The following RPA1 variants were observed in gnomAD, a reference collection of about 807,000 sequenced individuals.
RPA1 encodes replication protein A1.
In RPA1, 49 loss-of-function variants were observed where a neutral mutation model predicts 83.0. That is an observed-to-expected ratio of 0.59 (90% CI 0.47 to 0.75). The LOEUF is 0.75. Ranked by LOEUF, RPA1 falls within the 30% of genes least tolerant of loss-of-function variation. The pLI is 0.00. For synonymous variants in RPA1, 279 were observed against 281.8 expected (o/e 0.99, Z 0.10); for missense variants, 693 against 776.1 (o/e 0.89, Z 1.27).
In RPA1 at chr17:1,844,610, G is replaced by A. The variant is rs1475154953; in HGVS notation, c.196G>A (p.Val66Met). 6.2e-6 allele frequency: 10 copies of A among 1,613,580 alleles called. No individual in the cohort carries two copies. Among genetic ancestry groups the A allele is most frequent in the East Asian group, 2.2e-5 (1 of 44,880 alleles). Residue 66 changes from valine (V) to methionine (M), a missense_variant, in exon 4 of 17, where the codon GTG becomes ATG. Coordinates refer to ENST00000254719, the MANE Select transcript of RPA1 (RefSeq NM_002945.5). ...FMLATQLNPL[V>M]EEEQLSSNCV... ...GTTGGCGACACAGTTGAACCCTCTCGTGGAGGAAGAACAATTGTCCAGCAA... is the reference window on the plus strand; with the variant it reads ...GTTGGCGACACAGTTGAACCCTCTCATGGAGGAAGAACAATTGTCCAGCAA...
intron 5 of RPA1, 148 bp downstream of exon 5, chr17:1,853,337 T>C (rs1912570604): frequency 3.1e-6 from 2 of 638,384 alleles, no homozygotes; most frequent in Non-Finnish European, 5.5e-6. Flanking sequence ...CTGTCAGGCT[T>C]TTTCAGTTCT....
chr17:1,882,783 C>A (rs191012724), intron 12 of RPA1, among the ~76,000 whole-genome samples: 3 of 152,190 alleles, frequency 2.0e-5, no homozygotes, highest in African/African-American at 7.2e-5. Flanking sequence ...CGGTGATGAT[C>A]ACCACGCAGC....
At chr17:1,896,991 T>C (rs763570985) in intron 16 of RPA1, 80 bp from the exon 17 acceptor site, 5 of 1,233,874 alleles carry the variant, frequency 4.1e-6, no homozygotes, top group Non-Finnish European at 5.8e-6. Flanking sequence ...CTGGGCTCAC[T>C]GAAACCACTG....
At chr17:1,842,316 G>C (rs373530280) in intron 1 of RPA1, among the ~76,000 whole-genome samples, 9 of 152,262 alleles carry the variant, frequency 5.9e-5, no homozygotes, top group South Asian at 4.1e-4. Context: ...TCTGGACCTA[G>C]AGGGTTCTCT....
intron 1 of RPA1, among the ~76,000 whole-genome samples, chr17:1,831,589 G>A (rs914998129): frequency 1.3e-5 from 2 of 151,246 alleles, no homozygotes; most frequent in African/African-American, 4.9e-5. Context: ...TTCTTCCATG[G>A]GGCCTTTGAA....
intron 5 of RPA1, among the ~76,000 whole-genome samples, chr17:1,862,668 C>G (rs1359547654): frequency 7.0e-6 from 1 of 143,832 alleles, no homozygotes; most frequent in Non-Finnish European, 1.5e-5. Context: ...ATCCGCCCAC[C>G]TTGACCTCCT....
intron 5 of RPA1, among the ~76,000 whole-genome samples, chr17:1,856,024 T>C (rs1912678940): frequency 6.6e-6 from 1 of 152,102 alleles, no homozygotes; most frequent in Non-Finnish European, 1.5e-5. Flanking sequence ...ATCAGATGGA[T>C]TTAAAAAATA....
At position 1,880,858 on chromosome 17, in the gene RPA1, C is replaced by T. The variant is rs548791563; in HGVS notation, c.1241+167C>T. On this transcript the variant is annotated intron_variant, in intron 12 of 16. Coordinates refer to ENST00000254719, the MANE Select transcript of RPA1 (RefSeq NM_002945.5). The stretch of plus-strand genomic sequence containing the variant: ...GCCTTCTGTGAGGAGGGCTTTAAAG[C>T]CCTTAAACGGACAAACCTGTAATCC... Among the ~76,000 whole-genome samples, 36 of 152,264 alleles carry T rather than the reference C, an allele frequency of 2.4e-4. 1 individual carries two copies. The South Asian group carries it at 7.0e-3, about 30-fold the overall frequency.
chr17:1,836,787 G>C (rs914712453), intron 1 of RPA1, among the ~76,000 whole-genome samples: 7 of 150,258 alleles, frequency 4.7e-5, no homozygotes, highest in Non-Finnish European at 7.4e-5. Flanking sequence ...TCAGCCTCCT[G>C]AGTAGCTGGG....
At chr17:1,873,473 T>C (rs1201950073) in intron 6 of RPA1, among the ~76,000 whole-genome samples, 1 of 152,086 alleles carries the variant, frequency 6.6e-6, no homozygotes, top group African/African-American at 2.4e-5. Flanking sequence ...CCTCCTCTCC[T>C]CCCCTCAACT....
intron 4 of RPA1, among the ~76,000 whole-genome samples, chr17:1,848,456 C>G (rs1008245749): frequency 2.0e-5 from 3 of 151,478 alleles, no homozygotes; most frequent in African/African-American, 4.8e-5. Flanking sequence ...ACTAAAAATA[C>G]AAAAATCAGC....
At chr17:1,838,167 T>C (rs1567800024) in intron 1 of RPA1, among the ~76,000 whole-genome samples, 1 of 151,470 alleles carries the variant, frequency 6.6e-6, no homozygotes, top group Non-Finnish European at 1.5e-5. Flanking sequence ...GGCAGGCACC[T>C]GTAGTCCCAG....
At position 1,879,681 on chromosome 17, in the gene RPA1, T is replaced by C. The variant is rs1177834363; in HGVS notation, c.1074T>C (p.Ala358=). 1 of 1,614,096 alleles carries C rather than the reference T, an allele frequency of 6.2e-7. No individual in the cohort carries two copies. Among genetic ancestry groups the C allele is most frequent in the South Asian group, 1.1e-5 (1 of 91,094 alleles). ...LMDTSGKVVT[A]TLWGEDADKF... ...ACACATCCGGGAAGGTGGTGACTGC[T>C]ACACTGTGGGGGGAAGATGTAAGTG... Residue 358 remains alanine, a synonymous_variant, in exon 11 of 17, where the codon GCT becomes GCC. Coordinates refer to ENST00000254719, the MANE Select transcript of RPA1 (RefSeq NM_002945.5).
chr17:1,857,273 T>TC (rs1211961571), intron 5 of RPA1, among the ~76,000 whole-genome samples: 1 of 151,116 alleles, frequency 6.6e-6, no homozygotes, highest in African/African-American at 2.4e-5. Flanking sequence ...TTTTCTTTTT[T>TC]TTTTTTCAAA....
At chr17:1,867,209 C>A (rs1427542428) in intron 5 of RPA1, among the ~76,000 whole-genome samples, 1 of 152,116 alleles carries the variant, frequency 6.6e-6, no homozygotes, top group Non-Finnish European at 1.5e-5. Context: ...TTATCACATT[C>A]TCAGCTTTCA....
intron 4 of RPA1, among the ~76,000 whole-genome samples, chr17:1,846,992 C>T (rs960502614): frequency 1.3e-5 from 2 of 152,096 alleles, no homozygotes; most frequent in Non-Finnish European, 2.9e-5. Flanking sequence ...CATCTTTTGA[C>T]TGTTAATTTG....
At chr17:1,892,173 GTTTTTGTA>G (rs1424987300) in intron 15 of RPA1, among the ~76,000 whole-genome samples, 6 of 151,764 alleles carry the variant, frequency 4.0e-5, no homozygotes, top group African/African-American at 1.5e-4. Flanking sequence ...TGCCCGGCTA[GTTTTTGTA>G]TTTTTAGTAG....
chr17:1,842,932 G>A, intron 2 of RPA1, 79 bp downstream of exon 2: 5 of 1,463,176 alleles, frequency 3.4e-6, no homozygotes, highest in Non-Finnish European at 4.8e-6. Context: ...ATGAAGGACA[G>A]ACAGATTTGT....
At position 1,830,037 on chromosome 17, in the gene RPA1, C is replaced by T. The variant is rs17291745; in HGVS notation, c.-57C>T. ...CAATAACTGCGCAGCGCGCGGGACC[C>T]GGGTGGGGAAGCTGGAGCTGTTGCG... On this transcript the variant is annotated 5_prime_UTR_variant, in exon 1 of 17. Transcript: ENST00000254719. 436 of 1,245,558 alleles carry T rather than the reference C, an allele frequency of 3.5e-4. 2 individuals are homozygous for T. The African/African-American group carries it at 6.1e-3, about 17-fold the overall frequency. 77.2% of individuals were successfully genotyped at this position (1,245,558 alleles called of 1,614,324 possible). A position where few individuals can be genotyped will look rare whatever the true frequency, so the allele number is the denominator to read the frequency against.
Sources: gnomAD v4.1 joint callset for allele counts (sites outside exome capture counted in the v4.1 genomes callset) on GRCh38, gnomAD v4.1.1 for gene constraint, MANE v1.5 for transcripts, NCBI Gene and HGNC (gene_info 2026-07-23, HGNC 2026-07-21) for gene names.